The following LRRTM1 variants were observed in gnomAD, a reference collection of about 807,000 sequenced individuals.
LRRTM1 encodes the protein leucine-rich repeat transmembrane neuronal protein 1.
LRRTM1 carries 8 observed loss-of-function variants against 37.3 expected under a neutral mutation model. The observed-to-expected ratio is 0.21, with a 90% CI of 0.13 to 0.39. The LOEUF (loss-of-function observed/expected upper bound fraction) is 0.39, where lower values mean the gene tolerates loss of function less well. Ranked by LOEUF, LRRTM1 falls within the 10% of genes least tolerant of loss-of-function variation. The pLI, the probability that LRRTM1 is intolerant of heterozygous loss-of-function variation, is 1.00. For missense variants in LRRTM1, 557 were observed against 691.0 expected (o/e 0.81, Z 2.17); for synonymous variants, 326 against 316.8 (o/e 1.03, Z -0.31).
Position 80,302,804 on chromosome 2 carries a change from T to G in LRRTM1, c.1016A>C (p.Asn339Thr). The change falls in exon 2 of 2, where the codon AAC becomes ACC. Residue 339 changes from asparagine to threonine, a missense_variant. Coordinates refer to ENST00000295057, the MANE Select transcript of LRRTM1 (RefSeq NM_178839.5). The surrounding 1 kb of genome is among the most constrained non-coding windows in gnomAD (Gnocchi z 6.4). ...LNNFQGRYDG[N>T]LQCASPEYAQ... Reference sequence around the variant, plus strand: ...GTACTCCGGGCTGGCGCACTGCAAGTTGCCATCGTAGCGCCCCTGGAAGTT... The same window carrying G: ...GTACTCCGGGCTGGCGCACTGCAAGGTGCCATCGTAGCGCCCCTGGAAGTT... 1.2e-6 allele frequency: 2 copies of G among 1,613,838 alleles called. No individual in the cohort carries two copies. The highest frequency in any genetic ancestry group is 1.1e-5 in the South Asian group (1 of 91,070).
At position 80,302,251 on chromosome 2, in the gene LRRTM1, T is replaced by C; in HGVS notation, c.1569A>G (p.Ter523TrpextTer33). ...CATGGGTTGAGAGCCACTGGGACAATCACACCTCGCATTCCCTCGCGGGCT... is the reference window on the plus strand; with the variant it reads ...CATGGGTTGAGAGCCACTGGGACAACCACACCTCGCATTCCCTCGCGGGCT... ...HQQPARECEV[*>W] is the part of the protein sequence containing the mutation. Residue 523 changes from the stop codon to tryptophan, a stop_lost, in exon 2 of 2, where the codon TGA becomes TGG. Coordinates refer to ENST00000295057, the MANE Select transcript of LRRTM1 (RefSeq NM_178839.5). The surrounding 1 kb of genome is among the most constrained non-coding windows in gnomAD (Gnocchi z 6.4). 6.2e-7 allele frequency: 1 copy of C among 1,611,780 alleles called. No homozygotes were observed. Among genetic ancestry groups the C allele is most frequent in the Non-Finnish European group, 8.5e-7 (1 of 1,178,930 alleles).
At position 80,302,642 on chromosome 2, in the gene LRRTM1, G is replaced by A. The variant is rs917603256; in HGVS notation, c.1178C>T (p.Thr393Met). ...DLGPPASSAT[T>M]LADGGEGQHD... is the part of the protein sequence containing the mutation. Reference sequence around the variant, plus strand: ...CTGCCCCTCCCCGCCGTCCGCGAGCGTGGTGGCCGAGCTGGCAGGGGGCCC... The same window carrying A: ...CTGCCCCTCCCCGCCGTCCGCGAGCATGGTGGCCGAGCTGGCAGGGGGCCC... The change falls in exon 2 of 2, where the codon ACG (threonine) becomes ATG (methionine). Residue 393 changes from threonine to methionine, a missense_variant. By Grantham distance (81) the Thr-to-Met change is moderately conservative. Transcript: ENST00000295057. The surrounding 1 kb of genome is among the most constrained non-coding windows in gnomAD (Gnocchi z 6.4). The A allele has an allele frequency of 4.4e-6, 7 of 1,607,948 alleles. No individual in the cohort carries two copies. The highest frequency in any genetic ancestry group is 5.1e-6 in the Non-Finnish European group (6 of 1,178,418).
chr2:80,291,665 G>C (rs1675261371), intron 2 of LRRTM1, among the ~76,000 whole-genome samples: 1 of 152,166 alleles, frequency 6.6e-6, no homozygotes, highest in African/African-American at 2.4e-5. Flanking sequence ...TTTGGGGCTT[G>C]GATAACAATT....
intron 2 of LRRTM1, among the ~76,000 whole-genome samples, chr2:80,292,252 A>C (rs1558974475): frequency 6.6e-6 from 1 of 152,176 alleles, no homozygotes; most frequent in Non-Finnish European, 1.5e-5. Context: ...TCTCAGTAAC[A>C]ATGGGCTTAA....
rs1676393724 is a variant in LRRTM1, at chr2:80,302,239, C to A, written c.*12G>T. 1.2e-6 allele frequency: 2 copies of A among 1,608,064 alleles called. No individual in the cohort carries two copies. The highest frequency in any genetic ancestry group is 2.7e-5 in the African/African-American group (2 of 75,004). ...TATTTGGTAGCGCATGGGTTGAGAG[C>A]CACTGGGACAATCACACCTCGCATT... On this transcript the variant is annotated 3_prime_UTR_variant, in exon 2 of 2. Coordinates refer to ENST00000295057, the MANE Select transcript of LRRTM1 (RefSeq NM_178839.5). The surrounding 1 kb of genome is among the most constrained non-coding windows in gnomAD (Gnocchi z 6.4).
At chr2:80,298,117 A>G, downstream of LRRTM1, 1 of 151,876 alleles carries the variant, frequency 6.6e-6, no homozygotes, top group East Asian at 1.9e-4. Context: ...ATTGAGAGGT[A>G]GGAGTGTGTG....
In LRRTM1 at chr2:80,303,844, T is replaced by A. The variant is rs760124685; in HGVS notation, c.-25A>T. ...TTAGCGAGAATCTTTCCAGAGAGACTGGAGAATGTCCATTGGAAGCGCTCG... is the reference window on the plus strand; with the variant it reads ...TTAGCGAGAATCTTTCCAGAGAGACAGGAGAATGTCCATTGGAAGCGCTCG... On this transcript the variant is annotated 5_prime_UTR_variant, in exon 2 of 2. Transcript: ENST00000295057. The surrounding 1 kb of genome is among the most constrained non-coding windows in gnomAD (Gnocchi z 7.7). 4.0e-6 allele frequency: 6 copies of A among 1,491,582 alleles called. No homozygotes were observed. In the South Asian group the frequency reaches 8.8e-5, roughly 22 times the overall value. The allele number at this position is 1,491,582 out of a possible 1,614,324, so 92.4% of individuals were successfully genotyped here. A position where few individuals can be genotyped will look rare whatever the true frequency, so the allele number is the denominator to read the frequency against.
intron 2 of LRRTM1, among the ~76,000 whole-genome samples, chr2:80,289,527 C>T (rs1047929798): frequency 5.3e-5 from 8 of 152,170 alleles, no homozygotes; most frequent in Admixed American, 1.3e-4. Context: ...CCACATTTCC[C>T]CTGAGGCTAT....
At chr2:80,301,036 C>T (rs1454435187), downstream of LRRTM1, among the ~76,000 whole-genome samples, 1 of 152,130 alleles carries the variant, frequency 6.6e-6, no homozygotes, top group African/African-American at 2.4e-5. Context: ...AAATTATTCC[C>T]ATCTCAGAAA....
downstream of LRRTM1, among the ~76,000 whole-genome samples, chr2:80,298,022 TTTATATA>T (rs899243617): frequency 1.1e-4 from 17 of 151,224 alleles, no homozygotes; most frequent in African/African-American, 3.6e-4. Flanking sequence ...ACTATGTGGT[TTTATATA>T]TTATATATTA....
downstream of LRRTM1, among the ~76,000 whole-genome samples, chr2:80,297,967 G>A (rs186120072): frequency 2.6e-5 from 4 of 151,894 alleles, no homozygotes; most frequent in East Asian, 3.9e-4. Context: ...CTGCCTGCGC[G>A]TGTATGGGTG....
At chr2:80,294,984 A>G (rs1390785396) in intron 2 of LRRTM1, among the ~76,000 whole-genome samples, 1 of 152,198 alleles carries the variant, frequency 6.6e-6, no homozygotes, top group African/African-American at 2.4e-5. Flanking sequence ...CTTGAGTAGC[A>G]TAAAACACAG....
exon 3 of LRRTM1, chr2:80,288,372 A>G (rs1674959387): frequency 6.6e-6 from 1 of 152,202 alleles, no homozygotes; most frequent in Non-Finnish European, 1.5e-5. Context: ...TTGTATTAAC[A>G]TTCTTTAATA....
intron 2 of LRRTM1, among the ~76,000 whole-genome samples, chr2:80,294,656 T>A (rs1421240530): frequency 6.6e-6 from 1 of 152,060 alleles, no homozygotes; most frequent in South Asian, 2.1e-4. Flanking sequence ...ATAATAATAA[T>A]AAAAATAATT....
At position 80,303,801 on chromosome 2, in the gene LRRTM1, C is replaced by A. The variant is rs567908272; in HGVS notation, c.19G>T (p.Gly7Cys). MDFLLL[G>C]LCLYWLLRRP... ...CTCAGCAGCCAGTATAGACAGAGAC[C>A]GAGCAGCAGGAAATCCATTAGCGAG... The change falls in exon 2 of 2, where the codon GGT (glycine) becomes TGT (cysteine). Residue 7 changes from glycine (G) to cysteine (C), a missense_variant. This residue lies in a region of LRRTM1 where 140 missense variants were observed against 138.1 expected (regional missense o/e 1.01). Coordinates refer to ENST00000295057, the MANE Select transcript of LRRTM1 (RefSeq NM_178839.5). The surrounding 1 kb of genome is among the most constrained non-coding windows in gnomAD (Gnocchi z 7.7). The A allele has an allele frequency of 4.6e-6, 7 of 1,514,160 alleles. No homozygotes were observed. The highest frequency in any genetic ancestry group is 6.2e-6 in the Non-Finnish European group (7 of 1,131,930). 93.8% of individuals were successfully genotyped at this position (1,514,160 alleles called of 1,614,324 possible). A position where few individuals can be genotyped will look rare whatever the true frequency, so the allele number is the denominator to read the frequency against.
In LRRTM1 at chr2:80,303,022, G is replaced by A. The variant is rs371264259; in HGVS notation, c.798C>T (p.Asn266=). 6.2e-7 allele frequency: 1 copy of A among 1,613,840 alleles called. No individual in the cohort carries two copies. The highest frequency in any genetic ancestry group is 8.5e-7 in the Non-Finnish European group (1 of 1,180,000). Residue 266 remains asparagine (N), a synonymous_variant, in exon 2 of 2, where the codon AAC becomes AAT. Coordinates refer to ENST00000295057, the MANE Select transcript of LRRTM1 (RefSeq NM_178839.5). The surrounding 1 kb of genome is among the most constrained non-coding windows in gnomAD (Gnocchi z 7.7). ...CATGGGGCTCCATGTACTCGATCTC[G>A]TTGCCCGACAAGTCCATTTTCTCCA... ...WNLEKMDLSG[N]EIEYMEPHVF...
At position 80,303,765 on chromosome 2, in the gene LRRTM1, C is replaced by G. The variant is rs752256308; in HGVS notation, c.55G>C (p.Gly19Arg). The change falls in exon 2 of 2, where the codon GGG becomes CGG. Residue 19 changes from glycine to arginine, a missense_variant. Gly to Arg is a moderately radical substitution (Grantham distance 125, BLOSUM62 -2). Coordinates refer to ENST00000295057, the MANE Select transcript of LRRTM1 (RefSeq NM_178839.5). This position sits in a 1 kb window ranked among gnomAD's most constrained non-coding sequence, Gnocchi z 7.7. The part of the protein sequence containing the change: ...CLYWLLRRPS[G>R]VVLCLLGACF... ...GCCCCCAGCAGACACAAGACCACCCCCGAGGGCCTCCTCAGCAGCCAGTAT... is the reference window on the plus strand; with the variant it reads ...GCCCCCAGCAGACACAAGACCACCCGCGAGGGCCTCCTCAGCAGCCAGTAT... 3.8e-6 allele frequency: 6 copies of G among 1,570,394 alleles called. No homozygotes were observed. The highest frequency in any genetic ancestry group is 3.6e-5 in the South Asian group (3 of 83,476).
rs1265137591 is a variant in LRRTM1, at chr2:80,303,187, G to A, written c.633C>T (p.Leu211=). 1.2e-6 allele frequency: 2 copies of A among 1,613,936 alleles called. No individual in the cohort carries two copies. The highest frequency in any genetic ancestry group is 1.7e-6 in the Non-Finnish European group (2 of 1,179,988). ...CGTTGTGCTCGAGGTGCAGCTCGGT[G>A]AGCTTAAACAAGCCGGCGAAAGAGT... is the stretch of plus-strand genomic sequence containing the variant. ...ARNSFAGLFK[L]TELHLEHNDL... Residue 211 remains leucine (L), a synonymous_variant, in exon 2 of 2, where the codon CTC becomes CTT. Coordinates refer to ENST00000295057, the MANE Select transcript of LRRTM1 (RefSeq NM_178839.5). This position sits in a 1 kb window ranked among gnomAD's most constrained non-coding sequence, Gnocchi z 7.7.
chr2:80,302,311 G>A lies in LRRTM1; in HGVS notation c.1509C>T (p.Ile503=), dbSNP rs1259293742. The A allele has an allele frequency of 6.2e-7, 1 of 1,614,074 alleles. No homozygotes were observed. Among genetic ancestry groups the A allele is most frequent in the Non-Finnish European group, 8.5e-7 (1 of 1,180,042 alleles). Residue 503 remains isoleucine, a synonymous_variant, in exon 2 of 2, where the codon ATC becomes ATT. Coordinates refer to ENST00000295057, the MANE Select transcript of LRRTM1 (RefSeq NM_178839.5). The surrounding 1 kb of genome is among the most constrained non-coding windows in gnomAD (Gnocchi z 6.4). ...AGGTACACGAGCCATACTCGTTGAT[G>A]ATCACCAGGGCTCCCTCAATGTGGT... ...KPNHIEGALV[I]INEYGSCTCH...
Sources: gnomAD v4.1 joint callset for allele counts (sites outside exome capture counted in the v4.1 genomes callset) on GRCh38, gnomAD v4.1.1 for gene constraint, gnomAD v4.1.1 regional missense constraint, Gnocchi (gnomAD v3.1) non-coding constraint, MANE v1.5 for transcripts, NCBI Gene and HGNC (gene_info 2026-07-23, HGNC 2026-07-21) for gene names.